MATCAP2: variants seen among roughly 807,000 people sequenced by gnomAD.
The protein encoded by MATCAP2 is microtubule associated tyrosine carboxypeptidase 2.
the MATCAP2 span, among the ~76,000 whole-genome samples, chr7:36,367,492 G>A: frequency 6.6e-6 from 1 of 152,194 alleles, no homozygotes; most frequent in South Asian, 2.1e-4. Flanking sequence ...TTAACTCCAT[G>A]GTGCGCTGTG....
At chr7:36,337,124 A>AAAAAAAAAAAAAAAAAAAT in the MATCAP2 span, among the ~76,000 whole-genome samples, 1 of 145,212 alleles carries the variant, frequency 6.9e-6, no homozygotes, top group Non-Finnish European at 1.5e-5. Context: ...AAAAAAAAAA[A>AAAAAAAAAAAAAAAAAAAT]AGCAATCAGT....
chr7:36,381,998 TAAG>T, the MATCAP2 span, among the ~76,000 whole-genome samples: 8 of 152,098 alleles, frequency 5.3e-5, no homozygotes, highest in African/African-American at 1.9e-4. Context: ...GTATCAAATT[TAAG>T]AAGATTTGTG....
the MATCAP2 span, chr7:36,325,037 C>A: frequency 1.3e-5 from 2 of 152,348 alleles, no homozygotes; most frequent in South Asian, 4.1e-4. Context: ...TCTGTTTATA[C>A]TTCTAAGACA....
At chr7:36,324,157 C>T in the MATCAP2 span, 2 of 152,162 alleles carry the variant, frequency 1.3e-5, no homozygotes, top group Admixed American at 6.5e-5. Flanking sequence ...AGAAACACCA[C>T]AATACAAATA....
chr7:36,366,868 C>G, the MATCAP2 span: 1 of 1,491,778 alleles, frequency 6.7e-7, no homozygotes, highest in Non-Finnish European at 8.8e-7. Flanking sequence ...CGGCGGGACC[C>G]CGGTCCGCCC....
chr7:36,340,083 C>T, the MATCAP2 span, among the ~76,000 whole-genome samples: 1 of 152,130 alleles, frequency 6.6e-6, no homozygotes, highest in Admixed American at 6.5e-5. Context: ...AGGCTGGTCT[C>T]GAACTCCTGG....
chr7:36,364,080 ATCT>A, the MATCAP2 span, among the ~76,000 whole-genome samples: 16,444 of 117,618 alleles, frequency 0.14, 794 homozygotes, highest in East Asian at 0.18. Context: ...CTAAAGTAGA[ATCT>A]TCTTCTTCTT....
At chr7:36,332,430 G>A in the MATCAP2 span, among the ~76,000 whole-genome samples, 3 of 152,108 alleles carry the variant, frequency 2.0e-5, no homozygotes, top group South Asian at 2.1e-4. Flanking sequence ...CTGAAATCCC[G>A]CCTGGAATTG....
the MATCAP2 span, among the ~76,000 whole-genome samples, chr7:36,375,239 G>C: frequency 1.3e-5 from 2 of 152,168 alleles, no homozygotes; most frequent in African/African-American, 4.8e-5. Flanking sequence ...ATTCTAACTG[G>C]TGTGAGATGC....
the MATCAP2 span, among the ~76,000 whole-genome samples, chr7:36,343,285 G>T: frequency 7.0e-6 from 1 of 142,322 alleles, no homozygotes; most frequent in Non-Finnish European, 1.5e-5. Flanking sequence ...GAGGCCAGGA[G>T]TTTGAGTTCA....
the MATCAP2 span, among the ~76,000 whole-genome samples, chr7:36,378,827 A>T: frequency 6.6e-6 from 1 of 152,208 alleles, no homozygotes; most frequent in Non-Finnish European, 1.5e-5. Context: ...TTCCCCAGCC[A>T]GGCTGCTGCC....
chr7:36,389,622 T>C, the MATCAP2 span, among the ~76,000 whole-genome samples: 30 of 152,158 alleles, frequency 2.0e-4, no homozygotes, highest in African/African-American at 6.0e-4. Flanking sequence ...GTGTGGTTGT[T>C]GGGGGTGGAG....
At chr7:36,380,959 G>A in the MATCAP2 span, among the ~76,000 whole-genome samples, 1 of 152,164 alleles carries the variant, frequency 6.6e-6, no homozygotes, top group Non-Finnish European at 1.5e-5. Flanking sequence ...GTTTGGTTTT[G>A]TTTTAAACTC....
At chr7:36,380,269 A>G in the MATCAP2 span, among the ~76,000 whole-genome samples, 2 of 152,226 alleles carry the variant, frequency 1.3e-5, no homozygotes, top group Non-Finnish European at 2.9e-5. Context: ...GGCACTGAAC[A>G]CTAAGCAAAG....
At chr7:36,333,855 C>A in the MATCAP2 span, 1 of 1,593,352 alleles carries the variant, frequency 6.3e-7, no homozygotes, top group Non-Finnish European at 8.6e-7. Context: ...GGGACACCCA[C>A]CTGGTTGGGA....
chr7:36,326,614 C>T, the MATCAP2 span: 1 of 606,962 alleles, frequency 1.6e-6, no homozygotes, highest in Non-Finnish European at 2.7e-6. Flanking sequence ...CTGTACTTAA[C>T]CTAAAAATTC....
chr7:36,331,092 G>A, the MATCAP2 span: 9 of 1,535,638 alleles, frequency 5.9e-6, no homozygotes, highest in Admixed American at 5.0e-5. Context: ...GGAGGAACCA[G>A]AATAGTGTTT....
chr7:36,361,404 C>A, the MATCAP2 span, among the ~76,000 whole-genome samples: 3 of 152,156 alleles, frequency 2.0e-5, no homozygotes, highest in South Asian at 2.1e-4. Context: ...GTGGCAAATA[C>A]TATTCAACCA....
At chr7:36,326,213 A>G in the MATCAP2 span, 1 of 152,202 alleles carries the variant, frequency 6.6e-6, no homozygotes, top group Non-Finnish European at 1.5e-5. Context: ...ACACTTAATG[A>G]AAAATTTTCA....
Sources: gnomAD v4.1 joint callset for allele counts (sites outside exome capture counted in the v4.1 genomes callset) on GRCh38, gnomAD v4.1.1 for gene constraint, MANE v1.5 for transcripts, NCBI Gene and HGNC (gene_info 2026-07-23, HGNC 2026-07-21) for gene names.